Variants in COL6A3 observed in about 807,000 individuals in gnomAD.
COL6A3 encodes the protein collagen alpha-3(VI) chain.
A neutral mutation model predicts 274.1 loss-of-function variants in COL6A3; 137 were observed. That is an observed-to-expected ratio of 0.50 (90% CI 0.44 to 0.58). COL6A3 has a LOEUF of 0.58. COL6A3 is among the 20% of genes least tolerant of loss of function. The probability of loss-of-function intolerance (pLI) is 0.00; values close to 1 mark genes in which losing one functional copy is unlikely to be tolerated. For synonymous variants in COL6A3, 1,650 were observed against 1,650.6 expected (o/e 1.00, Z 0.01); for missense variants, 3,950 against 4,124.9 (o/e 0.96, Z 1.16).
At chr2:237,357,012 T>A in intron 23 of COL6A3, 5 of 417,070 alleles carry the variant, frequency 1.2e-5, no homozygotes, top group East Asian at 4.4e-5. Context: ...ATTCCCTCCC[T>A]CCCCCAGTAT....
chr2:237,387,732 C>G lies in COL6A3; in HGVS notation c.1162G>C (p.Glu388Gln). ...GLGAQAASRA[E>Q]LQHIATDDNL... Reference sequence around the variant, plus strand: ...TCATCGGTAGCTATGTGCTGAAGCTCTGCCCTGGAGGCGGCCTGGGCTCCA... The same window carrying G: ...TCATCGGTAGCTATGTGCTGAAGCTGTGCCCTGGAGGCGGCCTGGGCTCCA... Residue 388 changes from glutamate (E) to glutamine (Q), a missense_variant, in exon 4 of 44, where the codon GAG (glutamate) becomes CAG (glutamine). Transcript: ENST00000295550. 1 of 1,614,090 alleles carries G rather than the reference C, an allele frequency of 6.2e-7. No homozygotes were observed. The highest frequency in any genetic ancestry group is 2.2e-5 in the East Asian group (1 of 44,874).
chr2:237,328,459 C>T (rs1047188211), intron 42 of COL6A3: 22 of 152,122 alleles, frequency 1.4e-4, no homozygotes, highest in East Asian at 3.9e-4. Flanking sequence ...TGTGCATGTG[C>T]GATGCATGCA....
rs746359030 is a variant in COL6A3, at chr2:237,365,734, C to G, written c.5802G>C (p.Leu1934=). ...CCGGCGAGGACTGTCTGAACTTGTT[C>G]AGGTAGACCTTCAGGGTGTCCTCCG... The part of the protein sequence containing the change: ...VLTEDTLKVY[L]NKFRQSSPDS... The change falls in exon 12 of 44, where the codon CTG becomes CTC. Residue 1934 remains leucine, a synonymous_variant. Transcript: ENST00000295550. 6.2e-7 allele frequency: 1 copy of G among 1,614,196 alleles called. No homozygotes were observed. Among genetic ancestry groups the G allele is most frequent in the Admixed American group, 1.7e-5 (1 of 60,032 alleles).
Position 237,374,560 on chromosome 2 carries a change from G to A in COL6A3, c.3531C>T (p.Thr1177=). 1 of 1,614,216 alleles carries A rather than the reference G, an allele frequency of 6.2e-7. No individual in the cohort carries two copies. Among genetic ancestry groups the A allele is most frequent in the Non-Finnish European group, 8.5e-7 (1 of 1,180,038 alleles). The change falls in exon 8 of 44, where the codon ACC becomes ACT. Residue 1177 remains threonine (T), a synonymous_variant. Coordinates refer to ENST00000295550, the MANE Select transcript of COL6A3 (RefSeq NM_004369.4). The surrounding 1 kb of genome is among the most constrained non-coding windows in gnomAD (Gnocchi z 4.8). ...IGNADITEMQ[T]ISFIPDFAVA... is the part of the protein sequence containing the mutation. Reference sequence around the variant, plus strand: ...CGGCAAAGTCCGGGATGAAGGAGATGGTCTGCATCTCTGTGATGTCAGCGT... The same window carrying A: ...CGGCAAAGTCCGGGATGAAGGAGATAGTCTGCATCTCTGTGATGTCAGCGT...
intron 42 of COL6A3, 63 bp from the exon 43 acceptor site, chr2:237,325,787 C>T: frequency 6.9e-7 from 1 of 1,443,350 alleles, no homozygotes; most frequent in South Asian, 1.2e-5. Flanking sequence ...GCTCCCAGTG[C>T]TGGGGCTGAC....
rs776858630 is a variant in COL6A3, at chr2:237,340,818, C to T, written c.8098G>A (p.Asp2700Asn). The change falls in exon 38 of 44, where the codon GAC (aspartate) becomes AAC (asparagine). Residue 2700 changes from aspartate (D) to asparagine (N), a missense_variant. Around this residue, in one of 5 missense-constraint regions of COL6A3, gnomAD observed 1,284 missense variants for 1,349.7 expected, o/e 0.95. Transcript: ENST00000295550. ...TGTGTCATTCCCCTGCTGAGGAAGTCCACCAGCTTCTCCTTGGAGCCATAG... is the reference window on the plus strand; with the variant it reads ...TGTGTCATTCCCCTGCTGAGGAAGTTCACCAGCTTCTCCTTGGAGCCATAG... ...TDYGSKEKLV[D>N]FLSRGMTQLQ... 1.2e-6 allele frequency: 2 copies of T among 1,614,084 alleles called. No homozygotes were observed. Among genetic ancestry groups the T allele is most frequent in the South Asian group, 1.1e-5 (1 of 91,088 alleles).
intron 39 of COL6A3, 136 bp downstream of exon 39, chr2:237,338,879 A>G (rs1309516689): frequency 2.9e-6 from 2 of 685,108 alleles, no homozygotes; most frequent in African/African-American, 3.6e-5. Context: ...TTTGAGAAGC[A>G]TGACCCACAT....
At chr2:237,349,018 A>T (rs986072801) in intron 28 of COL6A3, among the ~76,000 whole-genome samples, 1 of 152,212 alleles carries the variant, frequency 6.6e-6, no homozygotes, top group Non-Finnish European at 1.5e-5. Flanking sequence ...CTTTGATTCT[A>T]TGCATCCGTA....
chr2:237,401,361 T>C (rs898461572), intron 1 of COL6A3, among the ~76,000 whole-genome samples: 16 of 152,210 alleles, frequency 1.1e-4, no homozygotes, highest in Non-Finnish European at 1.5e-5. Context: ...ATAGATGAGA[T>C]GAATAAAGAA....
intron 20 of COL6A3, 119 bp downstream of exon 20, chr2:237,358,916 G>A: frequency 9.1e-7 from 1 of 1,100,704 alleles, no homozygotes; most frequent in Non-Finnish European, 1.4e-6. Flanking sequence ...CACAGGGGAG[G>A]TCAGGGAAGG....
chr2:237,382,065 G>A lies in COL6A3; in HGVS notation c.1313-566C>T, dbSNP rs186446166. ...GAAATCAGCATCAAAGCCAGCAAGTGCCGCAAACATTTTTCACTTAAGAGA... is the reference window on the plus strand; with the variant it reads ...GAAATCAGCATCAAAGCCAGCAAGTACCGCAAACATTTTTCACTTAAGAGA... On this transcript the variant is annotated intron_variant, in intron 4 of 43. Transcript: ENST00000295550. Among the ~76,000 whole-genome samples the A allele has an allele frequency of 1.5e-4, 23 of 152,298 alleles. No individual in the cohort carries two copies. In the East Asian group the frequency reaches 3.1e-3, roughly 20 times the overall value.
At position 237,371,577 on chromosome 2, in the gene COL6A3, G is replaced by A. The variant is rs533206669; in HGVS notation, c.4285+155C>T. The A allele has an allele frequency of 4.4e-5, 65 of 1,463,146 alleles. 1 individual carries two copies. Among genetic ancestry groups the A allele is most frequent in the South Asian group, 2.8e-4 (19 of 66,936 alleles). The allele number at this position is 1,463,146 out of a possible 1,614,324, so 90.6% of individuals were successfully genotyped here. ...CATGCCACTGCACTCCAGCCTGGAC[G>A]ACAGAGCCAGACCCTGTCTCAAAAT... On this transcript the variant is annotated intron_variant, in intron 9 of 43. Coordinates refer to ENST00000295550, the MANE Select transcript of COL6A3 (RefSeq NM_004369.4). The surrounding 1 kb of genome is among the most constrained non-coding windows in gnomAD (Gnocchi z 4.3).
intron 1 of COL6A3, among the ~76,000 whole-genome samples, chr2:237,410,319 T>TC (rs1278057535): frequency 6.7e-6 from 1 of 149,542 alleles, no homozygotes; most frequent in African/African-American, 2.5e-5. Context: ...TTTTTTTTTT[T>TC]CTGAAACAGG....
intron 40 of COL6A3, 56 bp downstream of exon 40, chr2:237,336,079 C>G: frequency 6.2e-7 from 1 of 1,606,724 alleles, no homozygotes; most frequent in South Asian, 1.1e-5. Context: ...GGAACACACC[C>G]TGGAGCAGGA....
In COL6A3 at chr2:237,333,551, A is replaced by G; in HGVS notation, c.9230-3T>C. 1 of 1,613,216 alleles carries G rather than the reference A, an allele frequency of 6.2e-7. No homozygotes were observed. Among genetic ancestry groups the G allele is most frequent in the East Asian group, 2.2e-5 (1 of 44,888 alleles). ...TGGAGGTGGGGGCTGAGATTTCTCTATAAAAGAAAAATATATGCAACTCGT... is the reference window on the plus strand; with the variant it reads ...TGGAGGTGGGGGCTGAGATTTCTCTGTAAAAGAAAAATATATGCAACTCGT... On this transcript the variant is annotated splice_region_variant and splice_polypyrimidine_tract_variant and intron_variant, in intron 41 of 43. Transcript: ENST00000295550.
At position 237,378,937 on chromosome 2, in the gene COL6A3, C is replaced by T. The variant is rs768242367; in HGVS notation, c.2196G>A (p.Thr732=). Residue 732 remains threonine, a synonymous_variant, in exon 6 of 44, where the codon ACG becomes ACA. Coordinates refer to ENST00000295550, the MANE Select transcript of COL6A3 (RefSeq NM_004369.4). ...ALSYVYANHF[T]EAGGSRIREH... Reference sequence around the variant, plus strand: ...CACGGATCCTGCTGCCGCCAGCTTCCGTGAAGTGGTTGGCATAGACATAGC... The same window carrying T: ...CACGGATCCTGCTGCCGCCAGCTTCTGTGAAGTGGTTGGCATAGACATAGC... The T allele has an allele frequency of 1.9e-5, 31 of 1,614,062 alleles. No individual in the cohort carries two copies. Among genetic ancestry groups the T allele is most frequent in the African/African-American group, 4.0e-5 (3 of 74,940 alleles).
At position 237,366,846 on chromosome 2, in the gene COL6A3, T is replaced by C. The variant is rs145447965; in HGVS notation, c.5341A>G (p.Ile1781Val). 269 of 1,614,128 alleles carry C rather than the reference T, an allele frequency of 1.7e-4. No homozygotes were observed. The highest frequency in any genetic ancestry group is 3.5e-4 in the Admixed American group (21 of 60,008). Residue 1781 changes from isoleucine (I) to valine (V), a missense_variant, in exon 11 of 44, where the codon ATC (isoleucine) becomes GTC (valine). This residue lies in a region of COL6A3 where 632 missense variants were observed against 623.4 expected (regional missense o/e 1.01). Coordinates refer to ENST00000295550, the MANE Select transcript of COL6A3 (RefSeq NM_004369.4). ...ATCTTTCCAACCTCCTCCGAGTCGA[T>C]ATTCCTCACTCCAACAGCAAACACT... Reference protein sequence around the residue: ...VKVFAVGVRNIDSEEVGKIAS... With the variant: ...VKVFAVGVRNVDSEEVGKIAS...
chr2:237,406,908 T>C (rs1016028926), intron 1 of COL6A3, among the ~76,000 whole-genome samples: 1 of 96,584 alleles, frequency 1.0e-5, no homozygotes, highest in Non-Finnish European at 2.1e-5. Context: ...CTTTTTTCCC[T>C]TTTTTTTTTT....
intron 42 of COL6A3, chr2:237,328,593 C>A (rs189155905): frequency 6.6e-6 from 1 of 152,330 alleles, no homozygotes; most frequent in African/African-American, 2.4e-5. Flanking sequence ...TTTCTCTGTA[C>A]CTCCTGAATG....
Sources: allele counts gnomAD v4.1 joint callset (sites outside exome capture counted in the v4.1 genomes callset), GRCh38; gene constraint gnomAD v4.1.1; regional missense constraint gnomAD v4.1.1; non-coding constraint Gnocchi (gnomAD v3.1); transcripts MANE v1.5; gene names NCBI Gene and HGNC (gene_info 2026-07-23, HGNC 2026-07-21).